NTRK3: variants seen among roughly 807,000 people sequenced by gnomAD.
NTRK3 encodes neurotrophic receptor tyrosine kinase 3.
In NTRK3, 24 loss-of-function variants were observed where a neutral mutation model predicts 91.7. That is an observed-to-expected ratio of 0.26 (90% CI 0.19 to 0.37). The LOEUF (loss-of-function observed/expected upper bound fraction) is 0.37, where lower values mean the gene tolerates loss of function less well. Among genes scored for constraint, NTRK3 ranks in the 10% least tolerant of loss-of-function variants. The probability of loss-of-function intolerance (pLI) is 1.00; values close to 1 mark genes in which losing one functional copy is unlikely to be tolerated. For synonymous variants in NTRK3, 483 were observed against 404.0 expected, an observed-to-expected ratio of 1.20 and a Z score of -2.34; for missense variants, 880 against 1,068.9, an observed-to-expected ratio of 0.82 and a Z score of 2.46.
chr15:87,890,572 CA>C (rs2065805967), intron 17 of NTRK3, among the ~76,000 whole-genome samples: 1 of 25,480 alleles, frequency 3.9e-5, no homozygotes. Context: ...TTGTTCTTTA[CA>C]CACACACACA....
chr15:88,135,006 T>A, intron 10 of NTRK3, 95 bp downstream of exon 10: 1 of 1,416,696 alleles, frequency 7.1e-7, no homozygotes, highest in Non-Finnish European at 1.0e-6. Context: ...ACAGTATGAG[T>A]ACTGATGCTG....
chr15:87,947,691 G>A (rs959701637), intron 14 of NTRK3, among the ~76,000 whole-genome samples: 22 of 152,102 alleles, frequency 1.4e-4, no homozygotes, highest in Non-Finnish European at 3.1e-4. Flanking sequence ...CTTGGCAGGA[G>A]AGAAGGGGGA....
exon 19 of NTRK3, chr15:87,873,182 T>G (rs1596040537): frequency 4.3e-6 from 1 of 231,792 alleles, no homozygotes; most frequent in East Asian, 6.1e-5. Context: ...GAGAAGAACA[T>G]TAATGTTCAA....
chr15:87,946,448 C>T (rs2070511296), intron 14 of NTRK3, among the ~76,000 whole-genome samples: 1 of 152,162 alleles, frequency 6.6e-6, no homozygotes, highest in African/African-American at 2.4e-5. Flanking sequence ...CTCAGATTGC[C>T]TTAAAAGAAA....
intron 3 of NTRK3, among the ~76,000 whole-genome samples, chr15:88,220,755 T>C (rs1005530173): frequency 2.6e-4 from 40 of 151,970 alleles, no homozygotes; most frequent in Non-Finnish European, 5.7e-4. Flanking sequence ...AAAAGATCTG[T>C]CCCTCAAGCC....
intron 3 of NTRK3, among the ~76,000 whole-genome samples, chr15:88,215,981 C>G (rs1422317442): frequency 6.6e-6 from 1 of 152,188 alleles, no homozygotes; most frequent in Non-Finnish European, 1.5e-5. Context: ...CTTTTAAACT[C>G]TATCCTATGC....
intron 13 of NTRK3, among the ~76,000 whole-genome samples, chr15:88,048,423 A>G (rs909312061): frequency 1.3e-5 from 2 of 152,240 alleles, no homozygotes; most frequent in African/African-American, 4.8e-5. Context: ...ACTCAAGAGC[A>G]ATTAGACTGA....
intron 10 of NTRK3, among the ~76,000 whole-genome samples, chr15:88,130,571 C>T (rs1041463004): frequency 6.6e-6 from 1 of 152,014 alleles, no homozygotes; most frequent in African/African-American, 2.4e-5. Context: ...ACATCACGCG[C>T]CCCCGAAACG....
In NTRK3 at chr15:87,874,344, C is replaced by A. The variant is rs201162129; in HGVS notation, c.*2591G>T. On this transcript the variant is annotated 3_prime_UTR_variant, in exon 19 of 19. Coordinates refer to ENST00000394480, the Ensembl canonical transcript of NTRK3. ...TACAATGGACACAGTAAGAACATGA[C>A]CCCAAGATCAGCGTGAAAGCCCGTG... 93 of 231,470 alleles carry A rather than the reference C, an allele frequency of 4.0e-4. No individual in the cohort carries two copies. In the East Asian group the frequency reaches 5.5e-3, roughly 14 times the overall value. The allele number at this position is 231,470 out of a possible 1,614,324, so 14.3% of individuals were successfully genotyped here.
chr15:88,195,730 G>A (rs529135948), intron 3 of NTRK3, among the ~76,000 whole-genome samples: 8 of 152,160 alleles, frequency 5.3e-5, no homozygotes, highest in South Asian at 2.1e-4. Flanking sequence ...AAACAGCCTC[G>A]GGCAGGGAGA....
At chr15:88,036,293 A>G (rs2079064885) in intron 13 of NTRK3, among the ~76,000 whole-genome samples, 1 of 152,174 alleles carries the variant, frequency 6.6e-6, no homozygotes, top group African/African-American at 2.4e-5. Flanking sequence ...CAAGAGGGAT[A>G]CATTTATAAA....
chr15:88,184,546 A>G (rs1326902171), intron 3 of NTRK3, among the ~76,000 whole-genome samples: 3 of 152,212 alleles, frequency 2.0e-5, no homozygotes, highest in African/African-American at 7.2e-5. Flanking sequence ...CATGGATTGC[A>G]TTGAATGTCT....
intron 17 of NTRK3, among the ~76,000 whole-genome samples, chr15:87,888,151 T>C (rs1041808376): frequency 1.3e-5 from 2 of 152,108 alleles, no homozygotes; most frequent in African/African-American, 4.8e-5. Context: ...CTATCACACA[T>C]GCTCACAAAG....
chr15:87,925,787 A>G (rs1384311374), intron 17 of NTRK3: 1 of 176,056 alleles, frequency 5.7e-6, no homozygotes, highest in Admixed American at 6.3e-5. Context: ...CAATGTAAAG[A>G]TTCTACTCCT....
intron 5 of NTRK3, among the ~76,000 whole-genome samples, chr15:88,157,052 C>T (rs944786975): frequency 3.9e-5 from 6 of 152,032 alleles, no homozygotes; most frequent in Admixed American, 1.3e-4. Context: ...CTGCAGGGTG[C>T]GGCTTCTGCT....
chr15:88,024,370 G>A (rs2077846971), intron 14 of NTRK3, among the ~76,000 whole-genome samples: 1 of 152,162 alleles, frequency 6.6e-6, no homozygotes, highest in Admixed American at 6.5e-5. Context: ...TAGCTAAAGA[G>A]GGGTAAGAAA....
At chr15:88,242,967 A>G (rs951227968) in intron 3 of NTRK3, among the ~76,000 whole-genome samples, 1 of 152,208 alleles carries the variant, frequency 6.6e-6, no homozygotes, top group Non-Finnish European at 1.5e-5. Flanking sequence ...CACCTGCCCT[A>G]GGGATGGGAG....
chr15:88,201,493 TA>T (rs2048302896), intron 3 of NTRK3, among the ~76,000 whole-genome samples: 1 of 152,202 alleles, frequency 6.6e-6, no homozygotes, highest in South Asian at 2.1e-4. Flanking sequence ...AACTTCACAG[TA>T]GTCTTCAGCT....
chr15:87,952,401 G>A lies in NTRK3; in HGVS notation c.1586-11648C>T, dbSNP rs80250787. On this transcript the variant is annotated intron_variant, in intron 14 of 18. Transcript: ENST00000394480. ...AGGGCTCTTGCCCTTGCACAGCAGG[G>A]AAGCTCTGTTGGGCTGCTCTGGTTG... 2.4e-4 allele frequency among the ~76,000 whole-genome samples: 37 copies of A among 152,276 alleles called. No homozygotes were observed. The East Asian group carries it at 6.4e-3, about 26-fold the overall frequency.
Sources: allele counts gnomAD v4.1 joint callset (sites outside exome capture counted in the v4.1 genomes callset), GRCh38; gene constraint gnomAD v4.1.1; transcripts MANE v1.5; gene names NCBI Gene and HGNC (gene_info 2026-07-23, HGNC 2026-07-21).